The following PTPRT variants were observed in gnomAD, a reference collection of about 807,000 sequenced individuals.
PTPRT encodes receptor-type tyrosine-protein phosphatase T.
In PTPRT, 56 loss-of-function variants were observed where a neutral mutation model predicts 176.8. The ratio of observed to expected loss-of-function variants is 0.32; its 90% CI spans 0.26 to 0.40. The LOEUF is 0.40. Ranked by LOEUF, PTPRT falls within the 10% of genes least tolerant of loss-of-function variation. PTPRT has a pLI of 1.00. For missense variants in PTPRT, 1,540 were observed against 1,908.2 expected (o/e 0.81, Z 3.60); for synonymous variants, 783 against 739.0 (o/e 1.06, Z -0.96).
chr20:42,505,879 G>C (rs2071835172), intron 7 of PTPRT, among the ~76,000 whole-genome samples: 1 of 152,120 alleles, frequency 6.6e-6, no homozygotes, highest in South Asian at 2.1e-4. Flanking sequence ...CATTGGAATT[G>C]GATTAAAGCA....
rs117728395 is a variant in PTPRT, at chr20:42,280,618, T to C, written c.2176+1871A>G. ...CACACTCCATTCACTTAAGGAAAGA[T>C]GGTAACCTAAAGCTCAAGCAAGAGG... is the stretch of plus-strand genomic sequence containing the variant. On this transcript the variant is annotated intron_variant, in intron 13 of 30. Transcript: ENST00000373187. Among the ~76,000 whole-genome samples, 479 of 152,272 alleles carry C rather than the reference T, an allele frequency of 3.1e-3. 4 individuals are homozygous for C. Among genetic ancestry groups the C allele is most frequent in the Middle Eastern group, 0.014 (4 of 294 alleles).
chr20:42,245,009 A>G (rs1004338138), intron 14 of PTPRT, among the ~76,000 whole-genome samples: 2 of 152,222 alleles, frequency 1.3e-5, no homozygotes, highest in African/African-American at 4.8e-5. Context: ...TCAGGACTGC[A>G]GTGCTGAGTC....
At chr20:43,052,648 A>G (rs946500093) in intron 1 of PTPRT, among the ~76,000 whole-genome samples, 1 of 152,244 alleles carries the variant, frequency 6.6e-6, no homozygotes, top group Non-Finnish European at 1.5e-5. Context: ...GATATAATTC[A>G]GATACCATAT....
At chr20:42,577,504 G>T (rs1157377807) in intron 7 of PTPRT, among the ~76,000 whole-genome samples, 3 of 152,184 alleles carry the variant, frequency 2.0e-5, no homozygotes, top group Non-Finnish European at 4.4e-5. Context: ...TCCTGACCTG[G>T]ATGCAACAGA....
At position 42,981,812 on chromosome 20, in the gene PTPRT, C is replaced by T. The variant is rs572960137; in HGVS notation, c.89-95880G>A. Among the ~76,000 whole-genome samples, 12 of 152,340 alleles carry T rather than the reference C, an allele frequency of 7.9e-5. No homozygotes were observed. In the East Asian group the frequency reaches 1.9e-3, roughly 24 times the overall value. The stretch of plus-strand genomic sequence containing the variant: ...GTTACACAGCAAAAACTGACACTAT[C>T]AGGCACTGCATTTATGTTCATTTCC... On this transcript the variant is annotated intron_variant, in intron 1 of 30. Coordinates refer to ENST00000373187, the MANE Select transcript of PTPRT (RefSeq NM_007050.6).
At chr20:42,385,001 A>G (rs1466385653) in intron 9 of PTPRT, among the ~76,000 whole-genome samples, 1 of 152,142 alleles carries the variant, frequency 6.6e-6, no homozygotes, top group Non-Finnish European at 1.5e-5. Context: ...TATCAGGTAT[A>G]TGGTATGCAA....
At chr20:42,506,239 C>T (rs1429438931) in intron 7 of PTPRT, among the ~76,000 whole-genome samples, 3 of 152,100 alleles carry the variant, frequency 2.0e-5, no homozygotes, top group Non-Finnish European at 2.9e-5. Flanking sequence ...AGTATGTGTA[C>T]ATATGGGGAA....
intron 13 of PTPRT, among the ~76,000 whole-genome samples, chr20:42,253,457 A>G (rs570765302): frequency 2.0e-5 from 3 of 152,296 alleles, no homozygotes; most frequent in South Asian, 4.1e-4. Flanking sequence ...AGTCAGGCTT[A>G]GTATCAGCCT....
intron 1 of PTPRT, among the ~76,000 whole-genome samples, chr20:42,980,929 T>A (rs983931575): frequency 6.6e-6 from 1 of 152,190 alleles, no homozygotes; most frequent in Non-Finnish European, 1.5e-5. Context: ...AGAGCGTCCC[T>A]ATCTCCCAGT....
At chr20:42,321,483 G>C (rs899137889) in intron 11 of PTPRT, among the ~76,000 whole-genome samples, 8 of 152,058 alleles carry the variant, frequency 5.3e-5, no homozygotes, top group African/African-American at 1.9e-4. Context: ...TAGCCAACAG[G>C]GGCATTCCCC....
intron 11 of PTPRT, among the ~76,000 whole-genome samples, chr20:42,347,972 A>T (rs1206624099): frequency 6.6e-6 from 1 of 152,194 alleles, no homozygotes; most frequent in Non-Finnish European, 1.5e-5. Context: ...CTGGAGCCTC[A>T]AGAGGACAGA....
At chr20:43,139,413 G>A (rs568896737) in intron 1 of PTPRT, among the ~76,000 whole-genome samples, 13 of 152,252 alleles carry the variant, frequency 8.5e-5, no homozygotes, top group Admixed American at 2.0e-4. Flanking sequence ...GAGAAGCTCC[G>A]AGCAGTGCAA....
chr20:42,352,414 G>T, intron 9 of PTPRT, 129 bp from the exon 10 acceptor site: 1 of 833,148 alleles, frequency 1.2e-6, no homozygotes, highest in East Asian at 2.6e-5. Context: ...AGCAGATTCT[G>T]CTAAGCTGCC....
chr20:42,354,965 C>T (rs1600880580), intron 9 of PTPRT, among the ~76,000 whole-genome samples: 1 of 151,956 alleles, frequency 6.6e-6, no homozygotes, highest in African/African-American at 2.4e-5. Flanking sequence ...TGTGCATGTG[C>T]ACCATGCAGG....
intron 7 of PTPRT, among the ~76,000 whole-genome samples, chr20:42,653,058 T>A (rs747153892): frequency 3.3e-5 from 5 of 152,140 alleles, no homozygotes; most frequent in Admixed American, 2.6e-4. Context: ...AATCTCATCT[T>A]GAACTGTAGT....
Position 42,159,349 on chromosome 20 carries a change from C to A in PTPRT, c.2682+2003G>T, listed in dbSNP as rs376443142. ...TGCTAATTATTAAAATATAACCCAT[C>A]CTCTGAAGGCCATGCTGTCTATAGA... is the stretch of plus-strand genomic sequence containing the variant. On this transcript the variant is annotated intron_variant, in intron 17 of 30. Transcript: ENST00000373187. Among the ~76,000 whole-genome samples, 18 of 151,924 alleles carry A rather than the reference C, an allele frequency of 1.2e-4. No homozygotes were observed. The East Asian group carries it at 3.1e-3, about 26-fold the overall frequency.
chr20:42,529,524 C>T (rs2072340569), intron 7 of PTPRT, among the ~76,000 whole-genome samples: 1 of 152,064 alleles, frequency 6.6e-6, no homozygotes, highest in Admixed American at 6.6e-5. Context: ...TCTCACTCTG[C>T]TGCCCCGGCT....
chr20:42,235,122 A>T (rs1193852590), intron 15 of PTPRT, among the ~76,000 whole-genome samples: 2 of 152,184 alleles, frequency 1.3e-5, no homozygotes, highest in Non-Finnish European at 2.9e-5. Context: ...TCAATTTCCA[A>T]AAATAGAAAG....
chr20:42,749,823 C>G (rs1473331073), intron 6 of PTPRT, among the ~76,000 whole-genome samples: 1 of 152,122 alleles, frequency 6.6e-6, no homozygotes, highest in Non-Finnish European at 1.5e-5. Flanking sequence ...CATCTTTAAA[C>G]TAGAGGCTAT....
Sources: gnomAD v4.1 joint callset for allele counts (sites outside exome capture counted in the v4.1 genomes callset) on GRCh38, gnomAD v4.1.1 for gene constraint, MANE v1.5 for transcripts, NCBI Gene and HGNC (gene_info 2026-07-23, HGNC 2026-07-21) for gene names.